The following SOX6 variants were observed in gnomAD, a reference collection of about 807,000 sequenced individuals.
SOX6 encodes SRY-box transcription factor 6.
Under a neutral mutation model 97.8 loss-of-function variants are expected in SOX6, and 11 were observed. The ratio of observed to expected loss-of-function variants is 0.11; its 90% CI spans 0.07 to 0.19. The LOEUF (loss-of-function observed/expected upper bound fraction) is 0.19, where lower values mean the gene tolerates loss of function less well. Ranked by LOEUF, SOX6 falls within the 10% of genes least tolerant of loss-of-function variation. SOX6 has a pLI of 1.00. For missense variants in SOX6, 810 were observed against 1,039.5 expected (o/e 0.78, Z 3.04); for synonymous variants, 360 against 371.4 (o/e 0.97, Z 0.35).
rs1565186458 is a variant in SOX6 at position 16,583,628 on chromosome 11, T to TACACACACACAC, written n.609+28452_609+28453insGTGTGTGTGTGT. 5.8e-5 allele frequency among the ~76,000 whole-genome samples: 8 copies of TACACACACACAC among 137,852 alleles called. No individual in the cohort carries two copies. The East Asian group carries it at 8.5e-4, about 15-fold the overall frequency. The allele number at this position is 137,852 out of a possible 152,430, so 90.4% of individuals were successfully genotyped here. A position where few individuals can be genotyped will look rare whatever the true frequency, so the allele number is the denominator to read the frequency against. On this transcript the variant is annotated intron_variant and non_coding_transcript_variant, in intron 4 of 5. Coordinates refer to the SOX6 transcript ENST00000524520. ...GTATATATATACATATATATATATA[T>TACACACACACAC]ATATATATACACATACACACACCAC...
chr11:16,406,397 C>T lies in SOX6; in HGVS notation c.-4-65145G>A, dbSNP rs550878342. On this transcript the variant is annotated intron_variant, in intron 1 of 15. Transcript: ENST00000396356. ...TTTAGCTTATGCATCTGTAGGTCAG[C>T]TGGACATTTCTCTGGTTTTAGTTGA... Among the ~76,000 whole-genome samples the T allele has an allele frequency of 9.2e-5, 14 of 152,222 alleles. No individual in the cohort carries two copies. In the South Asian group the frequency reaches 2.9e-3, roughly 32 times the overall value.
intron 1 of SOX6, among the ~76,000 whole-genome samples, chr11:16,391,039 G>C (rs371294133): frequency 1.5e-3 from 233 of 152,286 alleles, no homozygotes; most frequent in Admixed American, 2.5e-3. Context: ...CATGTCCTTT[G>C]TAGGGACATG....
At chr11:16,321,802 G>A (rs1220735391) in intron 2 of SOX6, among the ~76,000 whole-genome samples, 5 of 152,234 alleles carry the variant, frequency 3.3e-5, no homozygotes, top group South Asian at 2.1e-4. Context: ...AACGGCTTAA[G>A]TCGCGTGTTA....
At chr11:16,494,206 A>G (rs953400725) in intron 4 of SOX6, among the ~76,000 whole-genome samples, 1 of 151,844 alleles carries the variant, frequency 6.6e-6, no homozygotes, top group African/African-American at 2.4e-5. Context: ...GTGAAACCCC[A>G]TCTCCACTAA....
intron 6 of SOX6, among the ~76,000 whole-genome samples, chr11:16,161,745 C>T (rs1433313731): frequency 6.6e-6 from 1 of 152,180 alleles, no homozygotes; most frequent in Non-Finnish European, 1.5e-5. Context: ...TAACTAGAAC[C>T]TGGCACATGG....
At chr11:16,000,576 C>T (rs1223970087) in intron 13 of SOX6, among the ~76,000 whole-genome samples, 1 of 147,206 alleles carries the variant, frequency 6.8e-6, no homozygotes, top group Non-Finnish European at 1.5e-5. Flanking sequence ...TGAGGAAAAC[C>T]ATAAGTAAAG....
intron 1 of SOX6, among the ~76,000 whole-genome samples, chr11:16,421,442 T>C (rs752878979): frequency 1.4e-4 from 22 of 152,198 alleles, no homozygotes; most frequent in Non-Finnish European, 2.6e-4. Context: ...GAAATATTAA[T>C]ATTCTAGACT....
rs186958946 is a variant in SOX6, at chr11:16,416,657, T to C, written c.-5+59658A>G. ...ATTCTCAGCAGCATTTTTCAAGAAC[T>C]TTATATTCTTCTCTTCTTAACATTT... On this transcript the variant is annotated intron_variant, in intron 1 of 15. Coordinates refer to the SOX6 transcript ENST00000396356. Among the ~76,000 whole-genome samples the C allele has an allele frequency of 1.2e-4, 18 of 152,352 alleles. 1 individual carries two copies. Among genetic ancestry groups the C allele is most frequent in the Admixed American group, 1.1e-3 (17 of 15,298 alleles).
At chr11:16,658,827 G>A (rs929783345) in intron 3 of SOX6, among the ~76,000 whole-genome samples, 1 of 151,990 alleles carries the variant, frequency 6.6e-6, no homozygotes, top group African/African-American at 2.4e-5. Context: ...ATTTCTAATT[G>A]GAAAAATGTT....
upstream of SOX6, among the ~76,000 whole-genome samples, chr11:16,358,564 T>C (rs770693339): frequency 6.6e-6 from 1 of 152,072 alleles, no homozygotes; most frequent in Non-Finnish European, 1.5e-5. Context: ...CCCCAATTAC[T>C]GGTCTAGAAA....
chr11:16,479,074 T>C (rs974237053), upstream of SOX6, among the ~76,000 whole-genome samples: 5 of 152,068 alleles, frequency 3.3e-5, no homozygotes, highest in African/African-American at 1.2e-4. Context: ...TAATGGCCTT[T>C]CCCATCAAGG....
At chr11:16,575,818 G>C (rs1039965063) in intron 4 of SOX6, among the ~76,000 whole-genome samples, 1 of 152,062 alleles carries the variant, frequency 6.6e-6, no homozygotes, top group Non-Finnish European at 1.5e-5. Flanking sequence ...AGTGGCTTCT[G>C]GGAAAATAAC....
At chr11:16,638,586 T>C (rs1411205672) in intron 3 of SOX6, among the ~76,000 whole-genome samples, 2 of 152,184 alleles carry the variant, frequency 1.3e-5, no homozygotes, top group African/African-American at 2.4e-5. Context: ...ACCTGTTGTT[T>C]CCTGACTTTT....
intron 12 of SOX6, among the ~76,000 whole-genome samples, chr11:16,028,142 C>T (rs1373953937): frequency 1.3e-5 from 2 of 152,214 alleles, no homozygotes; most frequent in Non-Finnish European, 2.9e-5. Context: ...ATTTTGTACA[C>T]AGCCTGCTAA....
chr11:16,688,536 T>C (rs1847986651), intron 3 of SOX6, among the ~76,000 whole-genome samples: 1 of 152,214 alleles, frequency 6.6e-6, no homozygotes, highest in East Asian at 1.9e-4. Flanking sequence ...TCTTTTCTTC[T>C]GTAATATCTA....
At position 16,663,301 on chromosome 11, in the gene SOX6, C is replaced by CT. The variant is rs758196615; in HGVS notation, n.430-51042dup. On this transcript the variant is annotated intron_variant and non_coding_transcript_variant, in intron 3 of 5. Coordinates refer to the SOX6 transcript ENST00000524520. ...ATTTTTTAAAAAAGTAAAACTATTT[C>CT]TTTTTTAATATGTAAGGCTATATTT... Among the ~76,000 whole-genome samples the CT allele has an allele frequency of 1.8e-3, 270 of 152,054 alleles. 4 individuals are homozygous for CT. Among genetic ancestry groups the CT allele is most frequent in the Non-Finnish European group, 2.2e-3 (152 of 67,964 alleles).
intron 4 of SOX6, among the ~76,000 whole-genome samples, chr11:16,495,381 C>T (rs1321829379): frequency 6.6e-6 from 1 of 152,220 alleles, no homozygotes; most frequent in Non-Finnish European, 1.5e-5. Context: ...ATATGTACCA[C>T]CAAGGGGGAC....
intron 4 of SOX6, among the ~76,000 whole-genome samples, chr11:16,188,823 G>A (rs1208914158): frequency 2.0e-5 from 3 of 152,124 alleles, no homozygotes; most frequent in African/African-American, 7.2e-5. Context: ...AGCACTTTGG[G>A]AGGCTGAGGC....
intron 1 of SOX6, among the ~76,000 whole-genome samples, chr11:16,364,329 AT>A (rs1448987170): frequency 3.3e-5 from 5 of 152,268 alleles, no homozygotes; most frequent in African/African-American, 7.2e-5. Context: ...TTCCAAAAAA[AT>A]AACTTAGTAG....
Sources: gnomAD v4.1 joint callset for allele counts (sites outside exome capture counted in the v4.1 genomes callset) on GRCh38, gnomAD v4.1.1 for gene constraint, MANE v1.5 for transcripts, NCBI Gene and HGNC (gene_info 2026-07-23, HGNC 2026-07-21) for gene names.